The following AGTPBP1 variants were observed in gnomAD, a reference collection of about 807,000 sequenced individuals.
The protein encoded by AGTPBP1 is cytosolic carboxypeptidase 1.
Under a neutral mutation model 143.9 loss-of-function variants are expected in AGTPBP1, and 70 were observed. The observed-to-expected ratio is 0.49, with a 90% CI of 0.40 to 0.59. The LOEUF is 0.59. Among genes scored for constraint, AGTPBP1 ranks in the 20% least tolerant of loss-of-function variants. AGTPBP1 has a pLI of 0.00. For missense variants in AGTPBP1, 1,229 were observed against 1,464.5 expected (o/e 0.84, Z 2.62); for synonymous variants, 463 against 500.2 (o/e 0.93, Z 0.99).
intron 17 of AGTPBP1, among the ~76,000 whole-genome samples, chr9:85,597,034 C>T (rs1829343090): frequency 6.6e-6 from 1 of 152,088 alleles, no homozygotes; most frequent in Admixed American, 6.5e-5. Context: ...CTAAATGGAA[C>T]TGAATTAAAT....
At chr9:85,725,317 A>T (rs186722995) in intron 1 of AGTPBP1, among the ~76,000 whole-genome samples, 2,309 of 152,248 alleles carry the variant, frequency 0.015, 24 homozygotes, top group Middle Eastern at 0.037. Flanking sequence ...TAAAAAAAAA[A>T]TTTTTTTAAC....
intron 20 of AGTPBP1, 44 bp downstream of exon 20, chr9:85,589,484 T>C (rs775579015): frequency 2.6e-5 from 41 of 1,558,050 alleles, no homozygotes; most frequent in Non-Finnish European, 3.5e-5. Context: ...CAAATCAAAG[T>C]AGGTGAGAAT....
chr9:85,660,396 T>C (rs979861367), intron 9 of AGTPBP1, among the ~76,000 whole-genome samples: 3 of 152,202 alleles, frequency 2.0e-5, no homozygotes, highest in African/African-American at 7.2e-5. Context: ...TCCAAAAGCA[T>C]AAGACATATC....
intron 14 of AGTPBP1, among the ~76,000 whole-genome samples, chr9:85,621,561 T>C (rs1830940071): frequency 6.6e-6 from 1 of 151,852 alleles, no homozygotes; most frequent in South Asian, 2.1e-4. Context: ...ATGTCTATTA[T>C]GCCTTTCTAC....
chr9:85,751,196 T>C, the AGTPBP1 span, among the ~76,000 whole-genome samples: 1 of 152,218 alleles, frequency 6.6e-6, no homozygotes, highest in Admixed American at 6.5e-5. Flanking sequence ...TCTTTCTTAC[T>C]GTCTCTTTTC....
upstream of AGTPBP1, among the ~76,000 whole-genome samples, chr9:85,743,504 C>T (rs1824508638): frequency 6.6e-6 from 1 of 152,184 alleles, no homozygotes; most frequent in African/African-American, 2.4e-5. Context: ...GGGAATGTGA[C>T]ATCACTCTTC....
chr9:85,622,155 T>C (rs1830976078), intron 14 of AGTPBP1, among the ~76,000 whole-genome samples: 2 of 152,180 alleles, frequency 1.3e-5, no homozygotes, highest in African/African-American at 4.8e-5. Flanking sequence ...AGGAAGGTGA[T>C]TATATGCACT....
intron 25 of AGTPBP1, among the ~76,000 whole-genome samples, chr9:85,566,360 AAAAC>A (rs1212421058): frequency 6.6e-6 from 1 of 151,390 alleles, no homozygotes; most frequent in Non-Finnish European, 1.5e-5. Context: ...CTCTACTGAA[AAAAC>A]AAACAAACAA....
At chr9:85,625,391 G>C (rs1047984681) in intron 14 of AGTPBP1, among the ~76,000 whole-genome samples, 3 of 152,152 alleles carry the variant, frequency 2.0e-5, no homozygotes, top group African/African-American at 7.2e-5. Context: ...TGTGGAAAAT[G>C]ATATCTCAGT....
At chr9:85,695,227 T>C (rs1380384660) in intron 2 of AGTPBP1, among the ~76,000 whole-genome samples, 4 of 152,088 alleles carry the variant, frequency 2.6e-5, no homozygotes, top group Non-Finnish European at 5.9e-5. Context: ...TATAGGACAA[T>C]ATCAAAACCA....
chr9:85,679,432 G>A (rs1835031735), intron 4 of AGTPBP1, among the ~76,000 whole-genome samples: 1 of 151,662 alleles, frequency 6.6e-6, no homozygotes, highest in Non-Finnish European at 1.5e-5. Context: ...TTTTGAGACG[G>A]AGTCTCGCTC....
chr9:85,684,989 AC>A (rs762894213), intron 3 of AGTPBP1, among the ~76,000 whole-genome samples: 30 of 151,946 alleles, frequency 2.0e-4, no homozygotes, highest in African/African-American at 2.4e-4. Flanking sequence ...AAAAAAAAAA[AC>A]ATCTGAAATA....
chr9:85,716,818 C>T lies in AGTPBP1; in HGVS notation c.-33-4252G>A, dbSNP rs1033492920. On this transcript the variant is annotated intron_variant, in intron 1 of 25. Transcript: ENST00000357081. ...TCACTACTCTGCTCAAAGCCCTGTG[C>T]GGCTGCCAATTTCAATGACATAAAA... Among the ~76,000 whole-genome samples, 12 of 152,248 alleles carry T rather than the reference C, an allele frequency of 7.9e-5. No individual in the cohort carries two copies. The East Asian group carries it at 1.9e-3, about 25-fold the overall frequency.
At chr9:85,773,721 G>A in the AGTPBP1 span, 1 of 635,730 alleles carries the variant, frequency 1.6e-6, no homozygotes, top group Non-Finnish European at 2.8e-6. Context: ...ATACCTGGCA[G>A]GAATCATTTA....
chr9:85,706,622 G>A (rs62570566), intron 2 of AGTPBP1, among the ~76,000 whole-genome samples: 2,258 of 152,212 alleles, frequency 0.015, 25 homozygotes, highest in Middle Eastern at 0.037. Flanking sequence ...TGTAATCCCA[G>A]CACTATGGGA....
chr9:85,651,589 A>T (rs1833167022), intron 11 of AGTPBP1, among the ~76,000 whole-genome samples: 1 of 152,194 alleles, frequency 6.6e-6, no homozygotes, highest in Admixed American at 6.5e-5. Context: ...CATTCTTGAC[A>T]TCTCTAATTC....
intron 1 of AGTPBP1, among the ~76,000 whole-genome samples, chr9:85,723,753 C>T (rs1157616754): frequency 6.6e-6 from 1 of 152,108 alleles, no homozygotes; most frequent in African/African-American, 2.4e-5. Flanking sequence ...CAGAAATCAC[C>T]CGTCTTCTCC....
At chr9:85,579,137 T>C in intron 23 of AGTPBP1, 41 bp from the exon 24 acceptor site, 1 of 1,537,816 alleles carries the variant, frequency 6.5e-7, no homozygotes. Flanking sequence ...TAAACCAAGT[T>C]TTTAATTTTA....
At chr9:85,704,192 A>G (rs1836841158) in intron 2 of AGTPBP1, among the ~76,000 whole-genome samples, 1 of 152,168 alleles carries the variant, frequency 6.6e-6, no homozygotes, top group African/African-American at 2.4e-5. Flanking sequence ...ACAGCCCAAC[A>G]GTCTTCTTTA....
Sources: allele counts gnomAD v4.1 joint callset (sites outside exome capture counted in the v4.1 genomes callset), GRCh38; gene constraint gnomAD v4.1.1; transcripts MANE v1.5; gene names NCBI Gene and HGNC (gene_info 2026-07-23, HGNC 2026-07-21).